RANBP17: variants seen among roughly 807,000 people sequenced by gnomAD.
RANBP17 encodes RAN binding protein 17.
RANBP17 carries 158 observed loss-of-function variants against 141.2 expected under a neutral mutation model. That is an observed-to-expected ratio of 1.12 (90% CI 0.98 to 1.28). RANBP17 has a LOEUF of 1.28. Ranked by LOEUF, RANBP17 falls within the 50% of genes most tolerant of loss-of-function variation. RANBP17 has a pLI of 0.00. For missense variants in RANBP17, 1,438 were observed against 1,290.7 expected, an observed-to-expected ratio of 1.11 and a Z score of -1.75; for synonymous variants, 430 against 450.0, an observed-to-expected ratio of 0.96 and a Z score of 0.56.
intron 14 of RANBP17, chr5:171,029,203 A>G (rs1781406777): frequency 6.1e-6 from 1 of 163,498 alleles, no homozygotes; most frequent in African/African-American, 2.4e-5. Flanking sequence ...TCTGTGTATA[A>G]TGTGATCATT....
chr5:170,876,613 A>G (rs1457587500), intron 1 of RANBP17, among the ~76,000 whole-genome samples: 2 of 152,080 alleles, frequency 1.3e-5, no homozygotes, highest in East Asian at 3.9e-4. Context: ...CTAGCAGGAA[A>G]TTTCCAAATC....
At chr5:171,135,147 G>T (rs1317346058) in intron 14 of RANBP17, among the ~76,000 whole-genome samples, 3 of 151,418 alleles carry the variant, frequency 2.0e-5, no homozygotes, top group African/African-American at 7.3e-5. Context: ...AGGCATGGTG[G>T]TTCACACCTG....
chr5:171,039,159 G>A (rs1196732895), intron 14 of RANBP17, among the ~76,000 whole-genome samples: 3 of 151,924 alleles, frequency 2.0e-5, no homozygotes, highest in African/African-American at 7.3e-5. Context: ...CCAGACTGTG[G>A]AGACAGTGCC....
At chr5:171,064,050 C>G (rs909021966) in intron 14 of RANBP17, among the ~76,000 whole-genome samples, 1 of 152,232 alleles carries the variant, frequency 6.6e-6, no homozygotes, top group Non-Finnish European at 1.5e-5. Flanking sequence ...ACCCGATTTT[C>G]CAGGTGCTGT....
intron 1 of RANBP17, among the ~76,000 whole-genome samples, chr5:170,874,585 T>G (rs1314230624): frequency 6.6e-6 from 1 of 152,234 alleles, no homozygotes; most frequent in Admixed American, 6.5e-5. Flanking sequence ...TGTAATGCCC[T>G]TCTTTGTCTT....
At chr5:171,264,365 A>G (rs1418909563) in intron 24 of RANBP17, among the ~76,000 whole-genome samples, 1 of 152,114 alleles carries the variant, frequency 6.6e-6, no homozygotes, top group Admixed American at 6.5e-5. Context: ...CATGTAACCA[A>G]AAACCACCTA....
chr5:171,140,593 A>G (rs1404093981), intron 14 of RANBP17, among the ~76,000 whole-genome samples: 1 of 152,186 alleles, frequency 6.6e-6, no homozygotes, highest in Non-Finnish European at 1.5e-5. Flanking sequence ...CTGTTTGAGA[A>G]CAGGTCCTGC....
At chr5:171,194,878 C>A (rs2127946786) in intron 18 of RANBP17, among the ~76,000 whole-genome samples, 1 of 152,250 alleles carries the variant, frequency 6.6e-6, no homozygotes, top group East Asian at 1.9e-4. Flanking sequence ...AATGAAATGT[C>A]CTACAAACAA....
chr5:171,276,448 T>C (rs1767489098), intron 25 of RANBP17, among the ~76,000 whole-genome samples: 1 of 152,226 alleles, frequency 6.6e-6, no homozygotes, highest in Admixed American at 6.5e-5. Flanking sequence ...GAATTTGGAA[T>C]ACATAAGCCA....
chr5:171,214,957 G>A (rs1022771084), intron 21 of RANBP17, among the ~76,000 whole-genome samples: 1 of 151,978 alleles, frequency 6.6e-6, no homozygotes, highest in African/African-American at 2.4e-5. Flanking sequence ...AGGTATACAT[G>A]TGCCATGGTG....
chr5:170,968,534 CTTGT>C, intron 14 of RANBP17, 157 bp downstream of exon 14: 1 of 722,080 alleles, frequency 1.4e-6, no homozygotes, highest in East Asian at 2.8e-5. Flanking sequence ...AATTAAGTTG[CTTGT>C]TTTATACCTA....
intron 14 of RANBP17, among the ~76,000 whole-genome samples, chr5:171,146,919 A>G (rs1040006772): frequency 3.3e-5 from 5 of 152,262 alleles, no homozygotes; most frequent in African/African-American, 9.6e-5. Context: ...TTATTCTCTT[A>G]CATCAAATTG....
intron 14 of RANBP17, among the ~76,000 whole-genome samples, chr5:171,088,293 C>T (rs1332466917): frequency 1.3e-5 from 2 of 151,936 alleles, no homozygotes; most frequent in African/African-American, 2.4e-5. Context: ...AATATTGGCC[C>T]CCACTCTTCT....
chr5:170,957,359 A>G (rs1340443676), intron 13 of RANBP17, among the ~76,000 whole-genome samples: 1 of 152,118 alleles, frequency 6.6e-6, no homozygotes, highest in African/African-American at 2.4e-5. Context: ...GGAAAGGGAA[A>G]GTAAGTGAGA....
At chr5:171,110,671 A>G (rs1755158805) in intron 14 of RANBP17, among the ~76,000 whole-genome samples, 1 of 152,158 alleles carries the variant, frequency 6.6e-6, no homozygotes, top group Non-Finnish European at 1.5e-5. Context: ...ATGAAGATCA[A>G]AAAGAACAGG....
At chr5:171,028,817 G>C (rs1401728256) in intron 14 of RANBP17, 1 of 862,448 alleles carries the variant, frequency 1.2e-6, no homozygotes, top group Non-Finnish European at 1.7e-6. Flanking sequence ...TAAGAAAGGA[G>C]AATTCATCCA....
chr5:171,039,410 AT>A (rs966211858), intron 14 of RANBP17, among the ~76,000 whole-genome samples: 4 of 149,460 alleles, frequency 2.7e-5, no homozygotes, highest in Admixed American at 6.7e-5. Flanking sequence ...TCTTTTGTCT[AT>A]TTTTTTTAAT....
chr5:170,990,687 T>C (rs1293975055), intron 14 of RANBP17, among the ~76,000 whole-genome samples: 5 of 151,996 alleles, frequency 3.3e-5, no homozygotes, highest in African/African-American at 1.2e-4. Context: ...CACGAGAAAT[T>C]AGATCTCATT....
chr5:171,000,633 C>G (rs1011725415), intron 14 of RANBP17, among the ~76,000 whole-genome samples: 2 of 152,180 alleles, frequency 1.3e-5, no homozygotes, highest in South Asian at 2.1e-4. Flanking sequence ...AGCAACAAGT[C>G]TGTTTATTTC....
Sources: gnomAD v4.1 joint callset for allele counts (sites outside exome capture counted in the v4.1 genomes callset) on GRCh38, gnomAD v4.1.1 for gene constraint, MANE v1.5 for transcripts, NCBI Gene and HGNC (gene_info 2026-07-23, HGNC 2026-07-21) for gene names.